ANKH: variants seen among roughly 807,000 people sequenced by gnomAD.
ANKH encodes mineralization regulator ANKH.
In ANKH, 15 loss-of-function variants were observed where a neutral mutation model predicts 49.0. That is an observed-to-expected ratio of 0.31 (90% confidence interval 0.20 to 0.47). ANKH has a LOEUF of 0.47. Among genes scored for constraint, ANKH ranks in the 20% least tolerant of loss-of-function variants. The probability of loss-of-function intolerance (pLI) is 1.00; values close to 1 mark genes in which losing one functional copy is unlikely to be tolerated. For missense variants in ANKH, 429 were observed against 652.0 expected (o/e 0.66, Z 3.72); for synonymous variants, 273 against 260.0 (o/e 1.05, Z -0.48).
chr5:14,795,623 T>C (rs998048371), intron 1 of ANKH, among the ~76,000 whole-genome samples: 8 of 152,148 alleles, frequency 5.3e-5, no homozygotes, highest in Non-Finnish European at 8.8e-5. Flanking sequence ...CAAAGGCAGG[T>C]GGATCACTTG....
chr5:14,715,753 A>G (rs907772171), intron 9 of ANKH, among the ~76,000 whole-genome samples: 1 of 152,254 alleles, frequency 6.6e-6, no homozygotes, highest in African/African-American at 2.4e-5. Context: ...ATGGTTGTAT[A>G]CTAATCAACC....
chr5:14,789,857 C>T (rs747790754), intron 1 of ANKH, among the ~76,000 whole-genome samples: 17 of 152,040 alleles, frequency 1.1e-4, no homozygotes, highest in East Asian at 3.9e-4. Context: ...ATTATAGTTG[C>T]GTGTCACCAT....
In ANKH at chr5:14,710,902, A is replaced by ACAACGTCAACCG. The variant is rs1407598192; in HGVS notation, c.*283_*294dup. The ACAACGTCAACCG allele has an allele frequency of 1.7e-5, 7 of 405,808 alleles. No individual in the cohort carries two copies. Among genetic ancestry groups the ACAACGTCAACCG allele is most frequent in the Non-Finnish European group, 3.3e-5 (7 of 214,956 alleles). The allele number at this position is 405,808 out of a possible 1,614,324, so 25.1% of individuals were successfully genotyped here. On this transcript the variant is annotated 3_prime_UTR_variant, in exon 12 of 12. Transcript: ENST00000284268. ...AGGAGATTGTCCAGGGGAGGAGGAC[A>ACAACGTCAACCG]CAACGTCAACCGTGAGGCAGCTGTG...
chr5:14,839,723 A>G (rs761387004), intron 1 of ANKH, among the ~76,000 whole-genome samples: 8 of 152,164 alleles, frequency 5.3e-5, no homozygotes, highest in Non-Finnish European at 8.8e-5. Flanking sequence ...TGAAAGTCCT[A>G]ATGGCACTCA....
chr5:14,845,294 T>C (rs954931708), intron 1 of ANKH, among the ~76,000 whole-genome samples: 13 of 151,784 alleles, frequency 8.6e-5, no homozygotes, highest in African/African-American at 3.1e-4. Flanking sequence ...GAAACCACCA[T>C]GCTGAGATTT....
intron 8 of ANKH, among the ~76,000 whole-genome samples, chr5:14,735,383 G>T (rs534614050): frequency 2.0e-5 from 3 of 152,282 alleles, no homozygotes; most frequent in African/African-American, 7.2e-5. Flanking sequence ...AAACTAAAAG[G>T]AGACAGAATC....
chr5:14,720,690 A>G (rs764033334), intron 8 of ANKH, among the ~76,000 whole-genome samples: 2 of 152,182 alleles, frequency 1.3e-5, no homozygotes. Flanking sequence ...GTGTTTATCT[A>G]AGGGTTAGAG....
At position 14,757,619 on chromosome 5, in the gene ANKH, C is replaced by T. The variant is rs142041001; in HGVS notation, c.432+861G>A. On this transcript the variant is annotated intron_variant, in intron 3 of 11. Transcript: ENST00000284268. ...TACCAGTATGTTCAACAGATTCTTACTCTAAAACTCTGGGTGTCTGTGCCA... is the reference window on the plus strand; with the variant it reads ...TACCAGTATGTTCAACAGATTCTTATTCTAAAACTCTGGGTGTCTGTGCCA... 3.9e-3 allele frequency among the ~76,000 whole-genome samples: 591 copies of T among 152,002 alleles called. 3 individuals carry two copies. The highest frequency in any genetic ancestry group is 0.014 in the African/African-American group (572 of 41,428).
chr5:14,832,141 T>TTA (rs151161789), intron 1 of ANKH, among the ~76,000 whole-genome samples: 2,567 of 152,026 alleles, frequency 0.017, 64 homozygotes, highest in African/African-American at 0.058. Context: ...TACAGGTGGT[T>TTA]TATATATATA....
At chr5:14,808,168 C>T (rs1289255397) in intron 1 of ANKH, among the ~76,000 whole-genome samples, 1 of 152,116 alleles carries the variant, frequency 6.6e-6, no homozygotes, top group African/African-American at 2.4e-5. Flanking sequence ...AAGGAAAAAT[C>T]AGCCATATTC....
intron 1 of ANKH, among the ~76,000 whole-genome samples, chr5:14,806,267 C>T (rs1740706576): frequency 6.6e-6 from 1 of 151,902 alleles, no homozygotes; most frequent in South Asian, 2.1e-4. Context: ...CTGCACCACC[C>T]TCAACCCCCC....
At chr5:14,742,070 T>C in intron 7 of ANKH, 148 bp from the exon 8 acceptor site, 1 of 693,278 alleles carries the variant, frequency 1.4e-6, no homozygotes, top group Admixed American at 2.1e-5. Context: ...GGCTGTCATG[T>C]TGAGTGTCTC....
At chr5:14,749,379 G>C in intron 5 of ANKH, 73 bp from the exon 6 acceptor site, 1 of 1,546,928 alleles carries the variant, frequency 6.5e-7, no homozygotes, top group Non-Finnish European at 8.9e-7. Context: ...CAGAATCAAA[G>C]CTTTTCCTTC....
rs1035720685 is a variant in ANKH at position 14,707,754 on chromosome 5, C to A, written c.*3443G>T. ...CTTTATTTGGCCCCATCTGATACAT[C>A]CTAAGCCAATATTAAATGTTTCAGT... On this transcript the variant is annotated 3_prime_UTR_variant, in exon 12 of 12. Transcript: ENST00000284268. 1 of 152,172 alleles carries A rather than the reference C, an allele frequency of 6.6e-6. No homozygotes were observed. The highest frequency in any genetic ancestry group is 2.4e-5 in the African/African-American group (1 of 41,442). The allele number at this position is 152,172 out of a possible 1,614,324, so 9.4% of individuals were successfully genotyped here. A position where few individuals can be genotyped will look rare whatever the true frequency, so the allele number is the denominator to read the frequency against.
At chr5:14,738,359 T>A (rs996796442) in intron 8 of ANKH, among the ~76,000 whole-genome samples, 5 of 152,130 alleles carry the variant, frequency 3.3e-5, no homozygotes, top group African/African-American at 1.2e-4. Context: ...CAGTATACGT[T>A]TTCCTTTGAA....
chr5:14,771,846 G>A (rs1036239105), intron 1 of ANKH, among the ~76,000 whole-genome samples: 1 of 150,334 alleles, frequency 6.7e-6, no homozygotes, highest in African/African-American at 2.5e-5. Context: ...CCCGGGAGGT[G>A]GAGGTTGCGA....
At position 14,871,717 on chromosome 5, in the gene ANKH, A is replaced by ACGGCGGCGG. The variant is rs531421951; in HGVS notation, c.-279_-271dup. 11 of 157,426 alleles carry ACGGCGGCGG rather than the reference A, an allele frequency of 7.0e-5. No individual in the cohort carries two copies. Among genetic ancestry groups the ACGGCGGCGG allele is most frequent in the East Asian group, 3.8e-4 (2 of 5,296 alleles). 9.8% of individuals were successfully genotyped at this position (157,426 alleles called of 1,614,324 possible). A position where few individuals can be genotyped will look rare whatever the true frequency, so the allele number is the denominator to read the frequency against. On this transcript the variant is annotated 5_prime_UTR_variant, in exon 1 of 12. Transcript: ENST00000284268. Reference sequence around the variant, plus strand: ...TCTGCCGGGAAAAAAAAGAGGAGGGACGGCGGCGGCGGCGGCGGCGGCAGA... The same window carrying ACGGCGGCGG: ...TCTGCCGGGAAAAAAAAGAGGAGGGACGGCGGCGGCGGCGGCGGCGGCGGCGGCGGCAGA...
intron 1 of ANKH, among the ~76,000 whole-genome samples, chr5:14,812,721 G>A (rs76580544): frequency 0.014 from 2,131 of 152,228 alleles, 48 homozygotes; most frequent in African/African-American, 0.049. Flanking sequence ...CTATGTCCTT[G>A]GCCTGCCTTC....
chr5:14,848,251 C>G (rs1430512125), intron 1 of ANKH, among the ~76,000 whole-genome samples: 1 of 152,186 alleles, frequency 6.6e-6, no homozygotes, highest in East Asian at 1.9e-4. Flanking sequence ...CACACCCAAC[C>G]AATCAGGTAG....
Sources: allele counts gnomAD v4.1 joint callset (sites outside exome capture counted in the v4.1 genomes callset), GRCh38; gene constraint gnomAD v4.1.1; transcripts MANE v1.5; gene names NCBI Gene and HGNC (gene_info 2026-07-23, HGNC 2026-07-21).